The following HUWE1 variants were observed in gnomAD, a reference collection of about 807,000 sequenced individuals.
The protein encoded by HUWE1 is E3 ubiquitin-protein ligase HUWE1.
HUWE1 carries 18 observed loss-of-function variants against 299.4 expected under a neutral mutation model. The ratio of observed to expected loss-of-function variants is 0.06; its 90% confidence interval spans 0.04 to 0.09. The LOEUF is 0.09. Ranked by LOEUF, HUWE1 falls within the 10% of genes least tolerant of loss-of-function variation. The pLI is 1.00. For synonymous variants in HUWE1, 1,317 were observed against 1,286.1 expected, an observed-to-expected ratio of 1.02 and a Z score of -0.51; for missense variants, 1,832 against 3,462.3, an observed-to-expected ratio of 0.53 and a Z score of 11.82.
chrX:53,562,039 G>A, intron 54 of HUWE1, 72 bp downstream of exon 54: 3 of 1,211,139 alleles, frequency 2.5e-6, no homozygotes, highest in Non-Finnish European at 3.4e-6. Flanking sequence ...AACCCAGACT[G>A]TTGGTTTTCT....
chrX:53,536,342 G>GGACTGAA (rs782035613), intron 79 of HUWE1, 38 bp downstream of exon 79: 2 of 1,196,893 alleles, frequency 1.7e-6, no homozygotes, highest in East Asian at 3.0e-5. Context: ...CAGACCCCCA[G>GGACTGAA]GACTGAAGAC....
chrX:53,585,846 C>G (rs1556972835), intron 39 of HUWE1, among the ~76,000 whole-genome samples: 1 of 110,800 alleles, frequency 9.0e-6, no homozygotes, highest in Non-Finnish European at 1.9e-5. Context: ...ACCACTATGC[C>G]TGGTTAATTT....
In HUWE1 at chrX:53,590,387, C is replaced by T. The variant is rs782040617; in HGVS notation, c.4191+17G>A. ...TTCATGTGCCAAGCCCTTTAGGATGCAGTGTTCCATAGTTACCTCAGGTGA... is the reference window on the plus strand; with the variant it reads ...TTCATGTGCCAAGCCCTTTAGGATGTAGTGTTCCATAGTTACCTCAGGTGA... On this transcript the variant is annotated intron_variant, in intron 35 of 83. Coordinates refer to ENST00000262854, the MANE Select transcript of HUWE1 (RefSeq NM_031407.7). 40 of 1,065,690 alleles carry T rather than the reference C, an allele frequency of 3.8e-5. No individual in the cohort carries two copies. The highest frequency in any genetic ancestry group is 2.0e-4 in the Admixed American group (9 of 45,662). 87.8% of individuals were successfully genotyped at this position (1,065,690 alleles called of 1,213,427 possible). A position where few individuals can be genotyped will look rare whatever the true frequency, so the allele number is the denominator to read the frequency against.
chrX:53,562,058 A>G, intron 54 of HUWE1, 53 bp downstream of exon 54: 2 of 1,210,926 alleles, frequency 1.7e-6, no homozygotes, highest in Non-Finnish European at 2.2e-6. Context: ...CTGCAGCTCT[A>G]TGTTCCCATG....
At chrX:53,587,358 C>T (rs1602899724) in intron 37 of HUWE1, among the ~76,000 whole-genome samples, 1 of 111,972 alleles carries the variant, frequency 8.9e-6, no homozygotes, top group South Asian at 3.7e-4. Context: ...CAAAGTGTTA[C>T]TTTTAACAGG....
Position 53,547,966 on chromosome X carries a change from A to G in HUWE1, c.10343T>C (p.Leu3448Pro). 2 of 1,211,159 alleles carry G rather than the reference A, an allele frequency of 1.7e-6. No individual in the cohort carries two copies. Among genetic ancestry groups the G allele is most frequent in the South Asian group, 1.8e-5 (1 of 56,871 alleles). Reference protein sequence around the residue: ...LSHPVIRRSSLLTEKLLRLLS... With the variant: ...LSHPVIRRSSPLTEKLLRLLS... Reference sequence around the variant, plus strand: ...GAGTCTGAGGAGTTTCTCAGTTAAGAGAGAGCTCCGGCGGATGACTGGGTG... The same window carrying G: ...GAGTCTGAGGAGTTTCTCAGTTAAGGGAGAGCTCCGGCGGATGACTGGGTG... Residue 3448 changes from leucine (L) to proline (P), a missense_variant, in exon 68 of 84, where the codon CTC (leucine) becomes CCC (proline). Around this residue, in one of 15 missense-constraint regions of HUWE1, gnomAD observed 119 missense variants for 124.6 expected, o/e 0.96. Coordinates refer to ENST00000262854, the MANE Select transcript of HUWE1 (RefSeq NM_031407.7).
intron 7 of HUWE1, among the ~76,000 whole-genome samples, chrX:53,637,944 A>C (rs903619981): frequency 1.8e-5 from 2 of 111,672 alleles, no homozygotes; most frequent in Non-Finnish European, 3.8e-5. Flanking sequence ...AGTCAGTACT[A>C]TTCAGAATAA....
At chrX:53,683,547 A>G (rs1194382815) in intron 2 of HUWE1, among the ~76,000 whole-genome samples, 1 of 96,068 alleles carries the variant, frequency 1.0e-5, no homozygotes, top group African/African-American at 3.8e-5. Context: ...CACCCTTCCC[A>G]ATCCGCCCAC....
chrX:53,632,780 C>T (rs1569502851), intron 8 of HUWE1, among the ~76,000 whole-genome samples: 1 of 111,928 alleles, frequency 8.9e-6, no homozygotes, highest in Non-Finnish European at 1.9e-5. Context: ...AGGACAGAGC[C>T]CAGAGCTCCC....
Position 53,538,971 on chromosome X carries a change from C to T in HUWE1, c.11742G>A (p.Glu3914=). The change falls in exon 76 of 84, where the codon GAG becomes GAA. Residue 3914 remains glutamate, a synonymous_variant. Coordinates refer to ENST00000262854, the MANE Select transcript of HUWE1 (RefSeq NM_031407.7). The part of the protein sequence containing the change: ...RESQLAHIKD[E]PPPLSPAPLT... ...AGGGGGCAGGGGAGAGTGGAGGAGG[C>T]TCGTCCTTGATGTGTGCCAGCTGGC... The T allele has an allele frequency of 8.3e-7, 1 of 1,208,118 alleles. No homozygotes were observed. The highest frequency in any genetic ancestry group is 1.1e-6 in the Non-Finnish European group (1 of 894,137).
chrX:53,683,677 G>C (rs940711907), intron 2 of HUWE1, among the ~76,000 whole-genome samples: 1 of 112,419 alleles, frequency 8.9e-6, no homozygotes, highest in East Asian at 2.8e-4. Context: ...CTTCGCCTCA[G>C]GTCTAGTTTA....
chrX:53,635,128 T>C (rs978117208), intron 7 of HUWE1, among the ~76,000 whole-genome samples: 4 of 110,117 alleles, frequency 3.6e-5, no homozygotes, highest in Admixed American at 1.9e-4. Context: ...GTGAAAGAAA[T>C]GAGATATTAT....
At position 53,649,748 on chromosome X, in the gene HUWE1, A is replaced by G. The variant is rs188755743; in HGVS notation, c.46-1438T>C. ...GTGCCTGCTGGACCTACTTGGGTCC[A>G]GCATCAAACGTGTTACTTCTATTTC... On this transcript the variant is annotated intron_variant, in intron 4 of 83. Coordinates refer to ENST00000262854, the MANE Select transcript of HUWE1 (RefSeq NM_031407.7). Among the ~76,000 whole-genome samples the G allele has an allele frequency of 3.0e-3, 332 of 112,280 alleles. 3 individuals are homozygous for G. The highest frequency in any genetic ancestry group is 9.9e-3 in the African/African-American group (306 of 30,921).
chrX:53,614,397 T>G, intron 23 of HUWE1, 137 bp downstream of exon 23: 1 of 538,193 alleles, frequency 1.9e-6, no homozygotes, highest in Non-Finnish European at 3.3e-6. Flanking sequence ...TAATACATTC[T>G]TAGAACCGGT....
intron 61 of HUWE1, among the ~76,000 whole-genome samples, chrX:53,554,227 GT>G (rs1305094560): frequency 3.0e-4 from 33 of 110,039 alleles, no homozygotes; most frequent in South Asian, 7.8e-4. Context: ...ATTTTGGAGA[GT>G]TTTTTTTTCC....
intron 17 of HUWE1, chrX:53,625,889 G>T: frequency 3.0e-6 from 1 of 327,986 alleles, no homozygotes; most frequent in Non-Finnish European, 6.0e-6. Context: ...GGCCAGGGCC[G>T]GTGCCGGGGC....
rs782269803 is a variant in HUWE1, at chrX:53,589,813, C to G, written c.4195G>C (p.Val1399Leu). ...MDQRAESPEE[V>L]ACRKEEEERK... Reference sequence around the variant, plus strand: ...TCCTCTTCCTCCTTCCGGCAAGCAACTTCCTGGAAGCAGGGAAGGAAGTGT... The same window carrying G: ...TCCTCTTCCTCCTTCCGGCAAGCAAGTTCCTGGAAGCAGGGAAGGAAGTGT... Residue 1399 changes from valine (V) to leucine (L), a missense_variant, in exon 36 of 84, where the codon GTT (valine) becomes CTT (leucine). Val to Leu is a conservative substitution (Grantham distance 32). Transcript: ENST00000262854. 11 of 1,206,211 alleles carry G rather than the reference C, an allele frequency of 9.1e-6. No individual in the cohort carries two copies. The highest frequency in any genetic ancestry group is 1.1e-5 in the Non-Finnish European group (10 of 892,242).
chrX:53,654,126 T>C lies in HUWE1; in HGVS notation c.-19A>G, dbSNP rs2068634110. On this transcript the variant is annotated 5_prime_UTR_variant, in exon 4 of 84. An upstream open reading frame in the 5' UTR loses its in-frame stop. Coordinates refer to ENST00000262854, the MANE Select transcript of HUWE1 (RefSeq NM_031407.7). Reference sequence around the variant, plus strand: ...CTTTCATGATTTCAATTTTCAGCTTTACGATCTGAAAAAAGAAAATCCCAA... The same window carrying C: ...CTTTCATGATTTCAATTTTCAGCTTCACGATCTGAAAAAAGAAAATCCCAA... The C allele has an allele frequency of 8.8e-7, 1 of 1,142,090 alleles. No homozygotes were observed. Among genetic ancestry groups the C allele is most frequent in the Non-Finnish European group, 1.2e-6 (1 of 835,696 alleles). The allele number at this position is 1,142,090 out of a possible 1,213,427, so 94.1% of individuals were successfully genotyped here.
At chrX:53,556,340 C>A in intron 60 of HUWE1, 1 of 345,594 alleles carries the variant, frequency 2.9e-6, no homozygotes, top group East Asian at 9.1e-5. Flanking sequence ...GAGCAGAATC[C>A]TCTAATAAGG....
Sources: gnomAD v4.1 joint callset for allele counts (sites outside exome capture counted in the v4.1 genomes callset) on GRCh38, gnomAD v4.1.1 for gene constraint, gnomAD v4.1.1 regional missense constraint, MANE v1.5 for transcripts, NCBI Gene and HGNC (gene_info 2026-07-23, HGNC 2026-07-21) for gene names.